LRP1B: variants seen among roughly 807,000 people sequenced by gnomAD.
The protein encoded by LRP1B is low-density lipoprotein receptor-related protein 1B.
A neutral mutation model predicts 556.6 loss-of-function variants in LRP1B; 217 were observed. The observed-to-expected ratio is 0.39, with a 90% confidence interval of 0.35 to 0.44. LRP1B has a LOEUF of 0.44. LRP1B is among the 20% of genes least tolerant of loss of function. The pLI, the probability that LRP1B is intolerant of heterozygous loss-of-function variation, is 1.00. For synonymous variants in LRP1B, 2,047 were observed against 1,865.8 expected, an observed-to-expected ratio of 1.10 and a Z score of -2.50; for missense variants, 5,053 against 5,620.8, an observed-to-expected ratio of 0.90 and a Z score of 3.23.
At chr2:142,112,035 GCAAAGCATTACAT>G (rs1268294679) in intron 1 of LRP1B, among the ~76,000 whole-genome samples, 1 of 152,044 alleles carries the variant, frequency 6.6e-6, no homozygotes, top group Non-Finnish European at 1.5e-5. Flanking sequence ...AGCAGAAGCT[GCAAAGCATTACAT>G]CAAGGTGCCT....
chr2:141,443,649 C>T (rs1027793021), intron 3 of LRP1B, among the ~76,000 whole-genome samples: 4 of 152,130 alleles, frequency 2.6e-5, no homozygotes, highest in Admixed American at 6.5e-5. Context: ...CTGCATATGT[C>T]TAGCCAGTTT....
chr2:140,636,813 A>G (rs1280528121), intron 41 of LRP1B, among the ~76,000 whole-genome samples: 2 of 152,142 alleles, frequency 1.3e-5, no homozygotes, highest in East Asian at 3.8e-4. Context: ...TGGGAAATAA[A>G]TGCATTACCC....
intron 3 of LRP1B, among the ~76,000 whole-genome samples, chr2:141,478,346 A>AAAGCTTAG (rs1165956658): frequency 6.6e-6 from 1 of 152,188 alleles, no homozygotes; most frequent in Non-Finnish European, 1.5e-5. Context: ...TGTTCTTTTA[A>AAAGCTTAG]AAGCTTAGTC....
At chr2:141,582,332 G>A (rs1686979669) in intron 2 of LRP1B, among the ~76,000 whole-genome samples, 1 of 152,194 alleles carries the variant, frequency 6.6e-6, no homozygotes, top group Non-Finnish European at 1.5e-5. Flanking sequence ...AGGAATTCAT[G>A]AGACGCACAA....
chr2:141,282,518 T>C (rs933589151), intron 3 of LRP1B, among the ~76,000 whole-genome samples: 1 of 151,384 alleles, frequency 6.6e-6, no homozygotes, highest in African/African-American at 2.4e-5. Context: ...TATATGTATA[T>C]CTATATAGGT....
At chr2:141,219,898 G>A (rs300371) in intron 6 of LRP1B, among the ~76,000 whole-genome samples, 145,086 of 152,206 alleles carry the variant, frequency 0.95, 69,494 homozygotes, top group East Asian at 1. Flanking sequence ...CAACAACATC[G>A]ACAAAAAAGA....
intron 7 of LRP1B, among the ~76,000 whole-genome samples, chr2:141,108,758 A>G (rs1031241492): frequency 2.0e-5 from 3 of 152,232 alleles, no homozygotes; most frequent in African/African-American, 4.8e-5. Context: ...AGTCTTCAGT[A>G]TGAAGATAGA....
At chr2:142,074,968 A>G (rs879828056) in intron 1 of LRP1B, among the ~76,000 whole-genome samples, 8 of 152,112 alleles carry the variant, frequency 5.3e-5, no homozygotes, top group South Asian at 2.1e-4. Context: ...CCATTCCACA[A>G]AAACTTCTAG....
intron 1 of LRP1B, among the ~76,000 whole-genome samples, chr2:142,122,950 T>A (rs888197216): frequency 7.9e-5 from 12 of 152,076 alleles, no homozygotes; most frequent in African/African-American, 2.7e-4. Context: ...AATATCTATT[T>A]TAGCAAAAGT....
intron 72 of LRP1B, among the ~76,000 whole-genome samples, 191 bp from the exon 73 acceptor site, chr2:140,359,137 A>C (rs78528664): frequency 0.013 from 1,900 of 151,776 alleles, 24 homozygotes; most frequent in South Asian, 0.02. Flanking sequence ...CTACAGAAAA[A>C]TGTGCACAGC....
chr2:140,804,649 A>T (rs923181), intron 32 of LRP1B, among the ~76,000 whole-genome samples: 5,373 of 57,810 alleles, frequency 0.093, 517 homozygotes, highest in Middle Eastern at 0.16. Context: ...GTAAAAACTA[A>T]TTTTTTTTTT....
At chr2:141,348,932 C>T (rs1317142266) in intron 3 of LRP1B, among the ~76,000 whole-genome samples, 1 of 151,980 alleles carries the variant, frequency 6.6e-6, no homozygotes, top group African/African-American at 2.4e-5. Flanking sequence ...CAAGCTCTCT[C>T]TTCACCTGCT....
intron 2 of LRP1B, among the ~76,000 whole-genome samples, chr2:141,685,807 T>C (rs575581948): frequency 6.6e-6 from 1 of 152,178 alleles, no homozygotes; most frequent in African/African-American, 2.4e-5. Flanking sequence ...AGCAGGCTGA[T>C]TTCAGTCCCC....
chr2:141,563,301 A>G (rs1224343483), intron 2 of LRP1B, among the ~76,000 whole-genome samples: 1 of 152,036 alleles, frequency 6.6e-6, no homozygotes, highest in East Asian at 1.9e-4. Context: ...TAAGCACTAG[A>G]GCTTTTGAAA....
intron 68 of LRP1B, among the ~76,000 whole-genome samples, chr2:140,376,947 C>T (rs903789182): frequency 6.6e-6 from 1 of 152,114 alleles, no homozygotes; most frequent in Non-Finnish European, 1.5e-5. Flanking sequence ...CAGCGAAAAT[C>T]CTCTGGCCAA....
chr2:140,766,559 A>G (rs1406492946), intron 35 of LRP1B, among the ~76,000 whole-genome samples: 2 of 151,746 alleles, frequency 1.3e-5, no homozygotes, highest in Non-Finnish European at 2.9e-5. Context: ...AGCCTCTTAG[A>G]TTTACATTTA....
intron 87 of LRP1B, among the ~76,000 whole-genome samples, chr2:140,246,193 A>T (rs578120918): frequency 5.9e-5 from 9 of 151,392 alleles, no homozygotes; most frequent in South Asian, 2.1e-4. Flanking sequence ...ACTCTGAAAC[A>T]CTATGCTTTT....
intron 2 of LRP1B, among the ~76,000 whole-genome samples, chr2:141,673,524 T>A (rs539704967): frequency 1.3e-5 from 2 of 152,258 alleles, no homozygotes; most frequent in South Asian, 2.1e-4. Context: ...TTTCAATACA[T>A]CAAGTTTCTC....
chr2:142,031,882 C>T (rs75752737), intron 1 of LRP1B, among the ~76,000 whole-genome samples: 5,764 of 151,790 alleles, frequency 0.038, 161 homozygotes, highest in Admixed American at 0.074. Context: ...TGTCTGGTGT[C>T]TTCATAAAAG....
Sources: allele counts gnomAD v4.1 joint callset (sites outside exome capture counted in the v4.1 genomes callset), GRCh38; gene constraint gnomAD v4.1.1; transcripts MANE v1.5; gene names NCBI Gene and HGNC (gene_info 2026-07-23, HGNC 2026-07-21).